Variants in BDH1 observed in about 807,000 individuals in gnomAD.
The protein encoded by BDH1 is 3-hydroxybutyrate dehydrogenase 1, also known as D-beta-hydroxybutyrate dehydrogenase, mitochondrial.
A neutral mutation model predicts 33.1 loss-of-function variants in BDH1; 30 were observed. The ratio of observed to expected loss-of-function variants is 0.91; its 90% CI spans 0.68 to 1.23. The LOEUF is 1.23. Among genes scored for constraint, BDH1 ranks in the 50% most tolerant of loss-of-function variants. BDH1 has a pLI of 0.00. For missense variants in BDH1, 443 were observed against 464.4 expected, an observed-to-expected ratio of 0.95 and a Z score of 0.42; for synonymous variants, 190 against 183.6, an observed-to-expected ratio of 1.03 and a Z score of -0.28.
Position 197,514,046 on chromosome 3 carries a change from A to T in BDH1, c.562+218T>A. On this transcript the variant is annotated intron_variant, in intron 7 of 7. Transcript: ENST00000392379. The surrounding 1 kb of genome is among the most constrained non-coding windows in gnomAD (Gnocchi z 4.2). ...AACTCTTTAAGCTTTTGCTGCATGG[A>T]CCACTGACCTCTTACCTGCTCTGCT... 1 of 541,752 alleles carries T rather than the reference A, an allele frequency of 1.8e-6. No homozygotes were observed. The highest frequency in any genetic ancestry group is 3.2e-5 in the East Asian group (1 of 31,550). 33.6% of individuals were successfully genotyped at this position (541,752 alleles called of 1,614,324 possible).
Position 197,511,946 on chromosome 3 carries a change from C to A in BDH1, c.981G>T (p.Gln327His), listed in dbSNP as rs1389722382. ...PMDYYWWLRM[Q>H]IMTHLPGAIS... ...TGGCTCCAGGCAAGTGGGTCATGATCTGCATTCGCAGCCACCAGTAGTAGT... is the reference window on the plus strand; with the variant it reads ...TGGCTCCAGGCAAGTGGGTCATGATATGCATTCGCAGCCACCAGTAGTAGT... Residue 327 changes from glutamine to histidine, a missense_variant, in exon 8 of 8, where the codon CAG (glutamine) becomes CAT (histidine). Gln to His is a conservative substitution (Grantham distance 24). Coordinates refer to ENST00000392379, the MANE Select transcript of BDH1 (RefSeq NM_203314.3). 6.3e-7 allele frequency: 1 copy of A among 1,591,434 alleles called. No individual in the cohort carries two copies. Among genetic ancestry groups the A allele is most frequent in the Non-Finnish European group, 8.6e-7 (1 of 1,166,704 alleles).
At chr3:197,558,734 A>C (rs1043854194), upstream of BDH1, among the ~76,000 whole-genome samples, 1 of 152,224 alleles carries the variant, frequency 6.6e-6, no homozygotes, top group African/African-American at 2.4e-5. Context: ...CTCCAAACAC[A>C]TAGAAACCCA....
Position 197,520,595 on chromosome 3 carries a change from G to C in BDH1, c.409+2045C>G, listed in dbSNP as rs769124528. On this transcript the variant is annotated intron_variant, in intron 6 of 7. Coordinates refer to ENST00000392379, the MANE Select transcript of BDH1 (RefSeq NM_203314.3). This position sits in a 1 kb window ranked among gnomAD's most constrained non-coding sequence, Gnocchi z 6.0. ...AGCAAGCCGGCCTGGTGCGTTCTCTGCTTGGGTCTCCGGTGATGACGCCTT... is the reference window on the plus strand; with the variant it reads ...AGCAAGCCGGCCTGGTGCGTTCTCTCCTTGGGTCTCCGGTGATGACGCCTT... Among the ~76,000 whole-genome samples, 1 of 152,130 alleles carries C rather than the reference G, an allele frequency of 6.6e-6. No homozygotes were observed. The highest frequency in any genetic ancestry group is 1.5e-5 in the Non-Finnish European group (1 of 68,028).
Position 197,514,157 on chromosome 3 carries a change from G to T in BDH1, c.562+107C>A. 1 of 1,410,050 alleles carries T rather than the reference G, an allele frequency of 7.1e-7. No homozygotes were observed. Among genetic ancestry groups the T allele is most frequent in the Non-Finnish European group, 9.5e-7 (1 of 1,051,060 alleles). The allele number at this position is 1,410,050 out of a possible 1,614,324, so 87.3% of individuals were successfully genotyped here. ...CCCTGGGATTCACGAGCTCACCTCT[G>T]CTGAGTTGTGGACATTGGAGCTGCT... On this transcript the variant is annotated intron_variant, in intron 7 of 7. Transcript: ENST00000392379. The surrounding 1 kb of genome is among the most constrained non-coding windows in gnomAD (Gnocchi z 4.2).
chr3:197,520,311 G>A lies in BDH1; in HGVS notation c.409+2329C>T, dbSNP rs1713401323. Among the ~76,000 whole-genome samples the A allele has an allele frequency of 6.6e-6, 1 of 152,182 alleles. No homozygotes were observed. Among genetic ancestry groups the A allele is most frequent in the African/African-American group, 2.4e-5 (1 of 41,446 alleles). ...TCCAAAAAAAAAAAATGCAGTATCG[G>A]TTAAGGAAGTTGATGGTGAGAGGTT... On this transcript the variant is annotated intron_variant, in intron 6 of 7. Coordinates refer to ENST00000392379, the MANE Select transcript of BDH1 (RefSeq NM_203314.3). This position sits in a 1 kb window ranked among gnomAD's most constrained non-coding sequence, Gnocchi z 6.0.
In BDH1 at chr3:197,516,093, G is replaced by A. The variant is rs1265940277; in HGVS notation, c.410-1677C>T. Among the ~76,000 whole-genome samples the A allele has an allele frequency of 6.6e-6, 1 of 152,034 alleles. No homozygotes were observed. The highest frequency in any genetic ancestry group is 2.4e-5 in the African/African-American group (1 of 41,370). ...ATGAGTACTGCCAGTACTCCTTGAG[G>A]CTCACCTCTCCCTCAGCATTAGTGA... On this transcript the variant is annotated intron_variant, in intron 6 of 7. Transcript: ENST00000392379. This position sits in a 1 kb window ranked among gnomAD's most constrained non-coding sequence, Gnocchi z 4.2.
chr3:197,561,071 A>G (rs1717244172), intron 1 of BDH1, among the ~76,000 whole-genome samples: 1 of 152,196 alleles, frequency 6.6e-6, no homozygotes, highest in Admixed American at 6.5e-5. Flanking sequence ...ACAGGTGTGC[A>G]TCTTCAATCT....
chr3:197,522,503 A>C lies in BDH1; in HGVS notation c.409+137T>G. 6.6e-6 allele frequency: 7 copies of C among 1,055,764 alleles called. No homozygotes were observed. The highest frequency in any genetic ancestry group is 9.6e-6 in the Non-Finnish European group (7 of 725,714). The allele number at this position is 1,055,764 out of a possible 1,614,324, so 65.4% of individuals were successfully genotyped here. The stretch of plus-strand genomic sequence containing the variant: ...TGTTTAGTGTAATCCTCTTCCTCCT[A>C]CTGTGCAGGAGGAAGAGCCTAAACA... On this transcript the variant is annotated intron_variant, in intron 6 of 7. Transcript: ENST00000392379. This position sits in a 1 kb window ranked among gnomAD's most constrained non-coding sequence, Gnocchi z 4.8.
At position 197,514,005 on chromosome 3, in the gene BDH1, G is replaced by A. The variant is rs1261770851; in HGVS notation, c.562+259C>T. 5.1e-5 allele frequency: 24 copies of A among 471,916 alleles called. No individual in the cohort carries two copies. Among genetic ancestry groups the A allele is most frequent in the Admixed American group, 7.8e-5 (2 of 25,750 alleles). The allele number at this position is 471,916 out of a possible 1,614,324, so 29.2% of individuals were successfully genotyped here. A position where few individuals can be genotyped will look rare whatever the true frequency, so the allele number is the denominator to read the frequency against. On this transcript the variant is annotated intron_variant, in intron 7 of 7. Coordinates refer to ENST00000392379, the MANE Select transcript of BDH1 (RefSeq NM_203314.3). The surrounding 1 kb of genome is among the most constrained non-coding windows in gnomAD (Gnocchi z 4.2). The stretch of plus-strand genomic sequence containing the variant: ...ATTCTCTCTATAGATTAGGTGTGCA[G>A]AGTGGATGGCTGCTCAACTCTTTAA...
In BDH1 at chr3:197,511,862, A is replaced by C; in HGVS notation, c.*33T>G. The stretch of plus-strand genomic sequence containing the variant: ...TTCCTCCCTCCCCTCCCCTTCCACC[A>C]GGGATCCCTGACAGAGGCCACAGCG... On this transcript the variant is annotated 3_prime_UTR_variant, in exon 8 of 8. Coordinates refer to ENST00000392379, the MANE Select transcript of BDH1 (RefSeq NM_203314.3). 1.3e-5 allele frequency: 19 copies of C among 1,497,622 alleles called. No homozygotes were observed. The highest frequency in any genetic ancestry group is 1.6e-5 in the Non-Finnish European group (18 of 1,110,496). The allele number at this position is 1,497,622 out of a possible 1,614,324, so 92.8% of individuals were successfully genotyped here.
intron 2 of BDH1, 41 bp from the exon 3 acceptor site, chr3:197,546,527 C>T: frequency 2.1e-6 from 3 of 1,398,756 alleles, no homozygotes; most frequent in Non-Finnish European, 3.0e-6. Flanking sequence ...TTGTTGCCTT[C>T]CGGGCTTTAA....
intron 1 of BDH1, among the ~76,000 whole-genome samples, chr3:197,568,754 A>G (rs1011635754): frequency 6.6e-6 from 1 of 151,832 alleles, no homozygotes; most frequent in Admixed American, 6.6e-5. Context: ...ATATGAGGAT[A>G]TTTGATTAAA....
intron 3 of BDH1, among the ~76,000 whole-genome samples, chr3:197,535,600 TG>T (rs1715084518): frequency 6.6e-6 from 1 of 152,180 alleles, no homozygotes; most frequent in African/African-American, 2.4e-5. Flanking sequence ...AGCTAACTAG[TG>T]AAACCAAGGC....
At chr3:197,572,503 C>T (rs551828201) in intron 1 of BDH1, among the ~76,000 whole-genome samples, 1 of 152,332 alleles carries the variant, frequency 6.6e-6, no homozygotes, top group East Asian at 1.9e-4. Context: ...TACCCAGTTA[C>T]AGCAATAAAC....
At chr3:197,545,723 A>G (rs1716021592) in intron 3 of BDH1, among the ~76,000 whole-genome samples, 1 of 152,254 alleles carries the variant, frequency 6.6e-6, no homozygotes, top group African/African-American at 2.4e-5. Context: ...TCATTGCAGT[A>G]TGGTTTTGTA....
At chr3:197,569,475 C>T (rs1341442884) in intron 1 of BDH1, among the ~76,000 whole-genome samples, 3 of 152,124 alleles carry the variant, frequency 2.0e-5, no homozygotes, top group African/African-American at 7.2e-5. Context: ...TGTGTCCCTA[C>T]CCAAATATCA....
At position 197,546,415 on chromosome 3, in the gene BDH1, A is replaced by G. The variant is rs776447857; in HGVS notation, c.29T>C (p.Leu10Pro). ...TAGGGTTTTTCCTGGGAGCCGTGAC[A>G]GGGGTCTGGAGAGGCGGGTGGCCAG... MLATRLSRPLSRLPGKTLSA... is the reference protein window; with the variant it reads MLATRLSRPPSRLPGKTLSA... Residue 10 changes from leucine (L) to proline (P), a missense_variant, in exon 3 of 8, where the codon CTG (leucine) becomes CCG (proline). Leu to Pro is a moderately conservative substitution (Grantham distance 98). Transcript: ENST00000392379. 2.9e-5 allele frequency: 47 copies of G among 1,614,088 alleles called. No homozygotes were observed. The highest frequency in any genetic ancestry group is 3.6e-5 in the Non-Finnish European group (42 of 1,179,994).
rs182396116 is a variant in BDH1, at chr3:197,555,883, G to A, written c.-298C>T. ...CCCGCTCTCCTGCGGGGAGAGCCGA[G>A]GGGGGGCGCTGCCGCAGGGTCTTTC... On this transcript the variant is annotated 5_prime_UTR_variant, in exon 1 of 8. Coordinates refer to ENST00000392379, the MANE Select transcript of BDH1 (RefSeq NM_203314.3). The A allele has an allele frequency of 6.6e-6, 1 of 152,180 alleles. No individual in the cohort carries two copies. The highest frequency in any genetic ancestry group is 1.5e-5 in the Non-Finnish European group (1 of 68,050). 9.4% of individuals were successfully genotyped at this position (152,180 alleles called of 1,614,324 possible).
chr3:197,511,736 G>A lies in BDH1; in HGVS notation c.*159C>T, dbSNP rs1712041330. The A allele has an allele frequency of 2.9e-6, 2 of 700,418 alleles. No homozygotes were observed. Among genetic ancestry groups the A allele is most frequent in the African/African-American group, 1.8e-5 (1 of 55,558 alleles). 43.4% of individuals were successfully genotyped at this position (700,418 alleles called of 1,614,324 possible). ...TGTGAAGGCCCAAGTCACTCACTAT[G>A]CAAAGAAGTCATTCCCTCTAGTTAG... On this transcript the variant is annotated 3_prime_UTR_variant, in exon 8 of 8. Coordinates refer to ENST00000392379, the MANE Select transcript of BDH1 (RefSeq NM_203314.3).
Sources: gnomAD v4.1 joint callset for allele counts (sites outside exome capture counted in the v4.1 genomes callset) on GRCh38, gnomAD v4.1.1 for gene constraint, Gnocchi (gnomAD v3.1) non-coding constraint, MANE v1.5 for transcripts, NCBI Gene and HGNC (gene_info 2026-07-23, HGNC 2026-07-21) for gene names.